Variants in OCA2 observed in about 807,000 individuals in gnomAD.
OCA2 encodes the protein OCA2 melanosomal transmembrane protein.
OCA2 carries 77 observed loss-of-function variants against 100.2 expected under a neutral mutation model. The ratio of observed to expected loss-of-function variants is 0.77; its 90% CI spans 0.64 to 0.93. The LOEUF (loss-of-function observed/expected upper bound fraction) is 0.93. OCA2 is among the 40% of genes least tolerant of loss of function. OCA2 has a pLI of 0.00. For missense variants in OCA2, 1,062 were observed against 1,089.1 expected, an observed-to-expected ratio of 0.98 and a Z score of 0.35; for synonymous variants, 432 against 439.2, an observed-to-expected ratio of 0.98 and a Z score of 0.21.
At chr15:27,917,164 G>C (rs1472822513) in intron 19 of OCA2, among the ~76,000 whole-genome samples, 2 of 151,938 alleles carry the variant, frequency 1.3e-5, no homozygotes, top group East Asian at 3.9e-4. Flanking sequence ...TGAATAGGTT[G>C]AATTAAGCTT....
chr15:27,733,571 T>C, the OCA2 span, among the ~76,000 whole-genome samples: 1 of 152,210 alleles, frequency 6.6e-6, no homozygotes, highest in Non-Finnish European at 1.5e-5. Flanking sequence ...CTCCCAGCAT[T>C]TCCCATAAAC....
intron 19 of OCA2, among the ~76,000 whole-genome samples, chr15:27,896,983 G>A (rs1357246096): frequency 1.3e-5 from 2 of 152,116 alleles, no homozygotes; most frequent in Non-Finnish European, 2.9e-5. Flanking sequence ...GAGGTCAGGA[G>A]ATCCAGATCA....
intron 22 of OCA2, among the ~76,000 whole-genome samples, chr15:27,847,978 G>A (rs539603302): frequency 1.4e-4 from 22 of 152,312 alleles, no homozygotes; most frequent in South Asian, 4.1e-4. Flanking sequence ...ACACAGAGCC[G>A]GCCCACACTC....
At chr15:27,918,216 C>G (rs2038737146) in intron 19 of OCA2, among the ~76,000 whole-genome samples, 1 of 151,490 alleles carries the variant, frequency 6.6e-6, no homozygotes, top group Non-Finnish European at 1.5e-5. Context: ...GTCTCAGCCT[C>G]CCGAGTATCT....
chr15:27,954,099 A>G (rs1213396040), intron 17 of OCA2, among the ~76,000 whole-genome samples: 1 of 146,216 alleles, frequency 6.8e-6, no homozygotes, highest in Non-Finnish European at 1.5e-5. Flanking sequence ...TCTATGGCTG[A>G]GTAGTATTCC....
chr15:28,010,459 C>T (rs1377055086), intron 9 of OCA2, among the ~76,000 whole-genome samples: 3 of 152,020 alleles, frequency 2.0e-5, no homozygotes, highest in African/African-American at 7.2e-5. Flanking sequence ...CATAGGAAAT[C>T]TCAATAATTT....
intron 14 of OCA2, among the ~76,000 whole-genome samples, chr15:27,968,690 C>G (rs1479126706): frequency 6.6e-6 from 1 of 152,108 alleles, no homozygotes; most frequent in Non-Finnish European, 1.5e-5. Context: ...TGCTTAATCC[C>G]TTGCAGTTAC....
At chr15:27,948,771 T>C (rs2039930550) in intron 18 of OCA2, among the ~76,000 whole-genome samples, 1 of 152,168 alleles carries the variant, frequency 6.6e-6, no homozygotes, top group African/African-American at 2.4e-5. Flanking sequence ...CGGCCAAACA[T>C]GAACCATTGA....
At chr15:28,089,946 A>T (rs2044844651) in intron 1 of OCA2, among the ~76,000 whole-genome samples, 1 of 152,236 alleles carries the variant, frequency 6.6e-6, no homozygotes, top group African/African-American at 2.4e-5. Context: ...TCTAAAATAA[A>T]AGTTGAAAAA....
intron 23 of OCA2, among the ~76,000 whole-genome samples, chr15:27,812,279 G>C (rs1157979181): frequency 1.3e-5 from 2 of 152,146 alleles, no homozygotes. Context: ...CTAAGTATTT[G>C]ATTCTAAGAT....
chr15:28,030,915 C>A (rs545620532), intron 3 of OCA2, among the ~76,000 whole-genome samples: 34 of 152,328 alleles, frequency 2.2e-4, no homozygotes, highest in Admixed American at 4.6e-4. Context: ...TTTTCCTTAC[C>A]TACATTGTTT....
rs1227842181 is a variant in OCA2 at position 28,022,501 on chromosome 15, A to T, written c.646T>A (p.Ser216Thr). The change falls in exon 6 of 24, where the codon TCC becomes ACC. Residue 216 changes from serine (S) to threonine (T), a missense_variant and splice_region_variant. Ser to Thr is a moderately conservative substitution (Grantham distance 58). Coordinates refer to ENST00000354638, the MANE Select transcript of OCA2 (RefSeq NM_000275.3). ...LLALSPLENY[S>T]VNLSSHVDST... ...CCATCTCAGAGTGGATTTTGGATACAGTAGTTCTCCAGCGGTGATAAGGCC... is the reference window on the plus strand; with the variant it reads ...CCATCTCAGAGTGGATTTTGGATACTGTAGTTCTCCAGCGGTGATAAGGCC... 2 of 1,611,210 alleles carry T rather than the reference A, an allele frequency of 1.2e-6. No homozygotes were observed. The highest frequency in any genetic ancestry group is 1.7e-6 in the Non-Finnish European group (2 of 1,177,310).
intron 4 of OCA2, among the ~76,000 whole-genome samples, chr15:28,026,197 T>G (rs1474039178): frequency 1.3e-5 from 2 of 152,218 alleles, no homozygotes; most frequent in East Asian, 3.8e-4. Context: ...TAACGTCTTT[T>G]AGTTCAGTGG....
intron 2 of OCA2, among the ~76,000 whole-genome samples, chr15:28,053,475 C>T (rs2043581487): frequency 6.6e-6 from 1 of 152,160 alleles, no homozygotes; most frequent in Non-Finnish European, 1.5e-5. Flanking sequence ...TCAAAGTGAC[C>T]CTGGCTGATT....
chr15:27,846,563 T>C (rs1201905007), intron 22 of OCA2, among the ~76,000 whole-genome samples: 1 of 152,146 alleles, frequency 6.6e-6, no homozygotes, highest in Non-Finnish European at 1.5e-5. Context: ...AAAATGCCCA[T>C]TTTCCAATTA....
intron 18 of OCA2, among the ~76,000 whole-genome samples, chr15:27,944,471 G>A (rs746598598): frequency 6.6e-6 from 1 of 152,170 alleles, no homozygotes; most frequent in East Asian, 1.9e-4. Context: ...AAGATTGCCA[G>A]CCATTATTCT....
intron 23 of OCA2, among the ~76,000 whole-genome samples, chr15:27,792,522 G>C (rs1440049273): frequency 1.3e-5 from 2 of 152,138 alleles, no homozygotes; most frequent in African/African-American, 4.8e-5. Flanking sequence ...TGGGTGGCCA[G>C]CCCCAAGCAG....
chr15:28,079,248 C>A (rs1192185096), intron 2 of OCA2, among the ~76,000 whole-genome samples: 1 of 151,944 alleles, frequency 6.6e-6, no homozygotes. Flanking sequence ...CTGAGACTCC[C>A]ACCTATGGTA....
chr15:28,081,965 C>T, intron 1 of OCA2, 70 bp from the exon 2 acceptor site: 1 of 1,269,510 alleles, frequency 7.9e-7, no homozygotes, highest in Admixed American at 2.0e-5. Context: ...CCTTGGGAGT[C>T]CGTACAATAG....
Sources: gnomAD v4.1 joint callset for allele counts (sites outside exome capture counted in the v4.1 genomes callset) on GRCh38, gnomAD v4.1.1 for gene constraint, MANE v1.5 for transcripts, NCBI Gene and HGNC (gene_info 2026-07-23, HGNC 2026-07-21) for gene names.